VPS13A: variants seen among roughly 807,000 people sequenced by gnomAD.
The protein encoded by VPS13A is vacuolar protein sorting 13 homolog A.
VPS13A carries 264 observed loss-of-function variants against 390.9 expected under a neutral mutation model. The ratio of observed to expected loss-of-function variants is 0.68; its 90% CI spans 0.61 to 0.75. The LOEUF (loss-of-function observed/expected upper bound fraction) is 0.75. VPS13A is among the 30% of genes least tolerant of loss of function. The pLI is 0.00. For missense variants in VPS13A, 3,409 were observed against 3,733.9 expected (o/e 0.91, Z 2.27); for synonymous variants, 1,231 against 1,227.1 (o/e 1.00, Z -0.07).
chr9:77,269,258 A>T (rs934399472), intron 23 of VPS13A, among the ~76,000 whole-genome samples: 2 of 151,982 alleles, frequency 1.3e-5, no homozygotes, highest in Non-Finnish European at 2.9e-5. Flanking sequence ...GGTGCTTGTG[A>T]TGGGATCCTC....
Position 77,282,262 on chromosome 9 carries a change from A to G in VPS13A, c.3106A>G (p.Ile1036Val), listed in dbSNP as rs761237818. The change falls in exon 29 of 72, where the codon ATT becomes GTT. Residue 1036 changes from isoleucine to valine, a missense_variant. Transcript: ENST00000360280. ...TTETEDKGDV[I>V]KKLALKLSTN... ...AGAGACTGAAGACAAAGGAGATGTC[A>G]TTAAAAAATTAGGTATGTTTTTTAA... The G allele has an allele frequency of 4.3e-6, 7 of 1,611,996 alleles. No individual in the cohort carries two copies. Among genetic ancestry groups the G allele is most frequent in the Admixed American group, 3.3e-5 (2 of 59,850 alleles).
chr9:77,319,164 C>T (rs561472231), intron 41 of VPS13A, among the ~76,000 whole-genome samples: 1 of 146,566 alleles, frequency 6.8e-6, no homozygotes, highest in Non-Finnish European at 1.5e-5. Flanking sequence ...CCACTGCACT[C>T]CAGCCTGGGG....
At chr9:77,228,694 C>T (rs947013192) in intron 17 of VPS13A, among the ~76,000 whole-genome samples, 1 of 152,114 alleles carries the variant, frequency 6.6e-6, no homozygotes, top group Admixed American at 6.5e-5. Flanking sequence ...ACCACCAGCA[C>T]TGTATTAGTC....
intron 68 of VPS13A, among the ~76,000 whole-genome samples, chr9:77,391,708 GA>G (rs1467046959): frequency 2.0e-5 from 3 of 152,108 alleles, no homozygotes; most frequent in Non-Finnish European, 4.4e-5. Flanking sequence ...TGCAGTGTTG[GA>G]ATACAAATAT....
intron 17 of VPS13A, 27 bp downstream of exon 17, chr9:77,228,291 C>T (rs1246800160): frequency 1.9e-6 from 3 of 1,551,396 alleles, no homozygotes; most frequent in Non-Finnish European, 2.6e-6. Context: ...CTTTTTTTAT[C>T]ATATATGAAA....
intron 46 of VPS13A, 129 bp downstream of exon 46, chr9:77,332,242 C>T: frequency 1.4e-6 from 1 of 695,042 alleles, no homozygotes. Flanking sequence ...GGTTTCAGTG[C>T]ACTTAGATCT....
At chr9:77,263,107 CT>C (rs34380259) in intron 23 of VPS13A, among the ~76,000 whole-genome samples, 299 of 139,284 alleles carry the variant, frequency 2.1e-3, no homozygotes, top group Admixed American at 4.0e-3. Context: ...TGTTTCCCAA[CT>C]TTTTTTTTTT....
chr9:77,359,186 G>T, intron 57 of VPS13A, 147 bp from the exon 58 acceptor site: 1 of 682,508 alleles, frequency 1.5e-6, no homozygotes, highest in Non-Finnish European at 2.6e-6. Context: ...AATTAAGATT[G>T]TAGTAGATTT....
At chr9:77,302,832 A>C (rs1828460898) in intron 33 of VPS13A, 83 bp from the exon 34 acceptor site, 4 of 1,398,802 alleles carry the variant, frequency 2.9e-6, no homozygotes, top group Non-Finnish European at 3.0e-6. Context: ...ATTTGCATAT[A>C]AAAGGATAAA....
intron 5 of VPS13A, among the ~76,000 whole-genome samples, chr9:77,207,241 A>AAG: frequency 9.0e-6 from 1 of 110,878 alleles, no homozygotes; most frequent in African/African-American, 3.2e-5. Flanking sequence ...ATATATATAT[A>AAG]TATATATATA....
Position 77,323,994 on chromosome 9 carries a change from A to AT in VPS13A, c.5991+775dup, listed in dbSNP as rs528510267. Among the ~76,000 whole-genome samples the AT allele has an allele frequency of 2.2e-3, 333 of 151,480 alleles. 3 individuals carry two copies. Among genetic ancestry groups the AT allele is most frequent in the Non-Finnish European group, 2.2e-3 (151 of 67,796 alleles). ...TTTTGCTTTTTTTTTCACCATATGG[A>AT]TTTTTTTTCCAGAGGATTTTAGGTC... On this transcript the variant is annotated intron_variant, in intron 45 of 71. Transcript: ENST00000360280.
At chr9:77,228,727 A>G (rs181555651) in intron 17 of VPS13A, among the ~76,000 whole-genome samples, 289 of 152,288 alleles carry the variant, frequency 1.9e-3, no homozygotes, top group Middle Eastern at 3.4e-3. Context: ...GTTAATGAAG[A>G]CTTACCCAAG....
At chr9:77,268,250 G>A (rs996600700) in intron 23 of VPS13A, among the ~76,000 whole-genome samples, 2 of 152,186 alleles carry the variant, frequency 1.3e-5, no homozygotes, top group Non-Finnish European at 2.9e-5. Flanking sequence ...GCCCAGTTTT[G>A]TTCTTGAAAC....
chr9:77,347,129 G>T (rs890932829), intron 52 of VPS13A, among the ~76,000 whole-genome samples: 2 of 152,074 alleles, frequency 1.3e-5, no homozygotes, highest in East Asian at 1.9e-4. Flanking sequence ...GATGCCCCCA[G>T]GTTTGTTCTT....
intron 48 of VPS13A, 116 bp from the exon 49 acceptor site, chr9:77,340,062 G>T: frequency 7.5e-7 from 1 of 1,327,632 alleles, no homozygotes. Flanking sequence ...ATATTATAAA[G>T]GTTTAGTGCA....
chr9:77,372,242 G>A (rs1832815933), intron 67 of VPS13A, among the ~76,000 whole-genome samples: 1 of 151,630 alleles, frequency 6.6e-6, no homozygotes, highest in Non-Finnish European at 1.5e-5. Context: ...CTTCCACAAT[G>A]GTTGAACTAG....
chr9:77,315,024 CA>C (rs1172965054), intron 37 of VPS13A, among the ~76,000 whole-genome samples: 1 of 152,106 alleles, frequency 6.6e-6, no homozygotes, highest in African/African-American at 2.4e-5. Context: ...TCCTGAGATT[CA>C]AACTCTTATA....
chr9:77,210,808 T>C (rs562125595), intron 7 of VPS13A, 133 bp downstream of exon 7: 3 of 885,634 alleles, frequency 3.4e-6, no homozygotes, highest in African/African-American at 1.6e-5. Context: ...CTTCATTGGA[T>C]TGGAATCGAG....
At chr9:77,351,170 G>T (rs573202772) in intron 52 of VPS13A, 147 bp from the exon 53 acceptor site, 2 of 1,002,806 alleles carry the variant, frequency 2.0e-6, no homozygotes, top group Non-Finnish European at 2.9e-6. Flanking sequence ...TTTTTTAATT[G>T]TATAAGGTAA....
Sources: gnomAD v4.1 joint callset for allele counts (sites outside exome capture counted in the v4.1 genomes callset) on GRCh38, gnomAD v4.1.1 for gene constraint, MANE v1.5 for transcripts, NCBI Gene and HGNC (gene_info 2026-07-23, HGNC 2026-07-21) for gene names.